Variants in DLG2 observed in about 807,000 individuals in gnomAD.
The protein encoded by DLG2 is discs large MAGUK scaffold protein 2.
DLG2 carries 45 observed loss-of-function variants against 132.5 expected under a neutral mutation model. The observed-to-expected ratio is 0.34, with a 90% confidence interval of 0.27 to 0.44. DLG2 has a LOEUF of 0.44. Ranked by LOEUF, DLG2 falls within the 20% of genes least tolerant of loss-of-function variation. DLG2 has a pLI of 1.00. For missense variants in DLG2, 1,045 were observed against 1,196.9 expected (o/e 0.87, Z 1.87); for synonymous variants, 424 against 419.6 (o/e 1.01, Z -0.13).
chr11:84,694,336 G>A (rs1237360613), intron 6 of DLG2, among the ~76,000 whole-genome samples: 1 of 151,594 alleles, frequency 6.6e-6, no homozygotes, highest in East Asian at 1.9e-4. Flanking sequence ...GTGAGCACTT[G>A]AACGAATCAG....
intron 9 of DLG2, among the ~76,000 whole-genome samples, chr11:84,110,540 A>G (rs1392655538): frequency 1.3e-5 from 2 of 152,204 alleles, no homozygotes; most frequent in African/African-American, 2.4e-5. Context: ...AAAATGGGGA[A>G]GCATCCAGAA....
intron 7 of DLG2, among the ~76,000 whole-genome samples, chr11:84,445,425 G>C (rs1338925087): frequency 1.3e-5 from 2 of 152,158 alleles, no homozygotes; most frequent in African/African-American, 4.8e-5. Flanking sequence ...AATCGACAAT[G>C]ATTTTCCCTC....
intron 10 of DLG2, among the ~76,000 whole-genome samples, chr11:84,060,417 C>T (rs7952399): frequency 0.79 from 120,793 of 151,994 alleles, 49,237 homozygotes; most frequent in Middle Eastern, 0.92. Context: ...ATTCATCTTA[C>T]AATATTATAA....
chr11:83,907,139 C>T (rs1042852138), intron 15 of DLG2, among the ~76,000 whole-genome samples: 4 of 151,932 alleles, frequency 2.6e-5, no homozygotes, highest in African/African-American at 9.7e-5. Flanking sequence ...GGAGAAACAG[C>T]TTGAGAAAGA....
chr11:83,911,949 C>T (rs559401655), intron 15 of DLG2, among the ~76,000 whole-genome samples: 1 of 150,910 alleles, frequency 6.6e-6, no homozygotes, highest in Admixed American at 6.6e-5. Flanking sequence ...TAATTCCTAC[C>T]CCAAAGGTTA....
chr11:83,993,328 C>T (rs66596448), intron 11 of DLG2, among the ~76,000 whole-genome samples: 2,181 of 152,204 alleles, frequency 0.014, 26 homozygotes, highest in Non-Finnish European at 0.025. Context: ...AAGCATCCTA[C>T]ATTAAGAAAG....
chr11:84,665,463 A>G (rs190738011), intron 6 of DLG2, among the ~76,000 whole-genome samples: 1 of 152,228 alleles, frequency 6.6e-6, no homozygotes, highest in African/African-American at 2.4e-5. Context: ...CCAAATATTC[A>G]TATATTCAAA....
intron 18 of DLG2, among the ~76,000 whole-genome samples, chr11:83,764,009 G>A (rs1046868400): frequency 6.6e-6 from 1 of 152,106 alleles, no homozygotes; most frequent in Non-Finnish European, 1.5e-5. Context: ...TATCTTTCAG[G>A]TAAGCCCATG....
chr11:84,792,241 T>C (rs772715305), intron 6 of DLG2, among the ~76,000 whole-genome samples: 7 of 152,206 alleles, frequency 4.6e-5, no homozygotes, highest in African/African-American at 7.2e-5. Context: ...CAATGATTGA[T>C]TTGTATATGT....
At chr11:84,519,623 T>C (rs2154516287) in intron 7 of DLG2, among the ~76,000 whole-genome samples, 1 of 151,808 alleles carries the variant, frequency 6.6e-6, no homozygotes, top group Non-Finnish European at 1.5e-5. Flanking sequence ...TCTTTCCTGC[T>C]GAGGGCTGCT....
intron 23 of DLG2, 109 bp from the exon 24 acceptor site, chr11:83,471,836 G>A (rs2092070353): frequency 1.2e-6 from 1 of 824,560 alleles, no homozygotes; most frequent in Non-Finnish European, 2.0e-6. Context: ...GATGCTAAGG[G>A]CATTACTTCA....
At chr11:84,521,558 T>C (rs904299264) in intron 7 of DLG2, among the ~76,000 whole-genome samples, 9 of 152,208 alleles carry the variant, frequency 5.9e-5, no homozygotes, top group South Asian at 2.1e-4. Context: ...CTATTGGATA[T>C]TGCGTTATCT....
At chr11:84,988,899 C>G (rs1218049491) in intron 6 of DLG2, among the ~76,000 whole-genome samples, 3 of 151,888 alleles carry the variant, frequency 2.0e-5, no homozygotes, top group African/African-American at 7.3e-5. Context: ...GAATACAGAT[C>G]AGAAAGAAAG....
chr11:83,726,820 G>A (rs994702434), intron 18 of DLG2, among the ~76,000 whole-genome samples: 77 of 152,076 alleles, frequency 5.1e-4, no homozygotes, highest in African/African-American at 1.6e-3. Context: ...AAGACTTTCC[G>A]TTTCTCTGCA....
chr11:83,488,424 GAACTGGCTT>G (rs2093652209), intron 21 of DLG2, among the ~76,000 whole-genome samples: 1 of 151,932 alleles, frequency 6.6e-6, no homozygotes, highest in Non-Finnish European at 1.5e-5. Flanking sequence ...TGGCATTGGT[GAACTGGCTT>G]AAGATAAAAT....
chr11:84,097,994 C>A (rs988332158), intron 10 of DLG2, among the ~76,000 whole-genome samples: 2 of 149,992 alleles, frequency 1.3e-5, no homozygotes, highest in African/African-American at 4.9e-5. Context: ...CTGAGAAGTA[C>A]CTGGCTGCAC....
intron 3 of DLG2, among the ~76,000 whole-genome samples, chr11:85,490,211 T>C (rs1002704559): frequency 7.2e-5 from 11 of 151,896 alleles, no homozygotes; most frequent in Non-Finnish European, 1.5e-4. Flanking sequence ...AAAATAAATA[T>C]ATTTGAAACA....
At chr11:84,101,756 T>C (rs1236846095) in intron 9 of DLG2, among the ~76,000 whole-genome samples, 1 of 152,100 alleles carries the variant, frequency 6.6e-6, no homozygotes, top group Non-Finnish European at 1.5e-5. Flanking sequence ...TTGGTCTCAC[T>C]GTAGTTAGCA....
intron 10 of DLG2, among the ~76,000 whole-genome samples, chr11:84,090,684 A>T (rs1376604700): frequency 3.3e-5 from 5 of 152,356 alleles, no homozygotes; most frequent in Non-Finnish European, 5.9e-5. Context: ...AATTTGGTAG[A>T]ATATTTCTGG....
Sources: allele counts gnomAD v4.1 joint callset (sites outside exome capture counted in the v4.1 genomes callset), GRCh38; gene constraint gnomAD v4.1.1; transcripts MANE v1.5; gene names NCBI Gene and HGNC (gene_info 2026-07-23, HGNC 2026-07-21).